LSAMP: variants seen among roughly 807,000 people sequenced by gnomAD.
LSAMP encodes limbic system associated membrane protein.
LSAMP carries 7 observed loss-of-function variants against 38.6 expected under a neutral mutation model. The observed-to-expected ratio is 0.18, with a 90% CI of 0.10 to 0.34. LSAMP has a LOEUF of 0.34. Ranked by LOEUF, LSAMP falls within the 10% of genes least tolerant of loss-of-function variation. The probability of loss-of-function intolerance (pLI) is 1.00; values close to 1 mark genes in which losing one functional copy is unlikely to be tolerated. For missense variants in LSAMP, 313 were observed against 420.0 expected, an observed-to-expected ratio of 0.75 and a Z score of 2.23; for synonymous variants, 154 against 166.8, an observed-to-expected ratio of 0.92 and a Z score of 0.59.
chr3:116,172,089 C>T (rs1227541441), intron 1 of LSAMP, among the ~76,000 whole-genome samples: 1 of 151,702 alleles, frequency 6.6e-6, no homozygotes, highest in African/African-American at 2.4e-5. Flanking sequence ...GACCTTCTTC[C>T]AAAAGGTTAA....
At chr3:116,377,175 C>T (rs1008963725) in intron 1 of LSAMP, among the ~76,000 whole-genome samples, 1 of 151,862 alleles carries the variant, frequency 6.6e-6, no homozygotes, top group Non-Finnish European at 1.5e-5. Flanking sequence ...CAACCCATTA[C>T]CTAGGTATCA....
intron 1 of LSAMP, among the ~76,000 whole-genome samples, chr3:116,309,522 T>C (rs1321321879): frequency 6.6e-6 from 1 of 152,148 alleles, no homozygotes; most frequent in Non-Finnish European, 1.5e-5. Flanking sequence ...ACTTACTATA[T>C]GAGGAAGTGA....
intron 3 of LSAMP, among the ~76,000 whole-genome samples, chr3:115,937,394 A>G (rs1937739907): frequency 6.6e-6 from 1 of 152,086 alleles, no homozygotes; most frequent in Non-Finnish European, 1.5e-5. Flanking sequence ...TAATCTCAGC[A>G]TGTTGGGATG....
chr3:116,437,539 T>C (rs1559868051), intron 1 of LSAMP, among the ~76,000 whole-genome samples: 1 of 151,898 alleles, frequency 6.6e-6, no homozygotes, highest in Non-Finnish European at 1.5e-5. Flanking sequence ...ACTAACTGGA[T>C]GATCCTCCAC....
intron 1 of LSAMP, among the ~76,000 whole-genome samples, chr3:116,174,540 C>G (rs1710288858): frequency 1.3e-5 from 2 of 151,990 alleles, no homozygotes; most frequent in South Asian, 2.1e-4. Flanking sequence ...GATAACTTCG[C>G]TAAAAAGCAC....
chr3:116,046,502 C>T (rs1466359873), intron 2 of LSAMP, among the ~76,000 whole-genome samples: 1 of 152,224 alleles, frequency 6.6e-6, no homozygotes, highest in African/African-American at 2.4e-5. Context: ...TTCCCTCAGA[C>T]ATCTGTTAGC....
intron 1 of LSAMP, among the ~76,000 whole-genome samples, chr3:116,197,220 C>A (rs922711198): frequency 3.3e-5 from 5 of 151,476 alleles, no homozygotes; most frequent in African/African-American, 7.3e-5. Flanking sequence ...CCTGTTGTAA[C>A]CTTTCTCTGT....
intron 1 of LSAMP, among the ~76,000 whole-genome samples, chr3:116,157,898 AT>A (rs1709791581): frequency 6.6e-6 from 1 of 152,122 alleles, no homozygotes; most frequent in South Asian, 2.1e-4. Context: ...CAGAGACACA[AT>A]AAAAAAAGAA....
At chr3:116,396,594 C>T (rs2048770879) in intron 1 of LSAMP, among the ~76,000 whole-genome samples, 1 of 152,174 alleles carries the variant, frequency 6.6e-6, no homozygotes, top group South Asian at 2.1e-4. Flanking sequence ...CTATACATCT[C>T]TAGAAAGCAG....
intron 2 of LSAMP, among the ~76,000 whole-genome samples, chr3:116,077,776 C>A (rs765269502): frequency 1.9e-4 from 29 of 152,220 alleles, no homozygotes; most frequent in Non-Finnish European, 4.0e-4. Flanking sequence ...TCATTTCTCT[C>A]TTATCTCCTT....
chr3:116,329,270 A>T (rs2047817726), intron 1 of LSAMP, among the ~76,000 whole-genome samples: 1 of 152,176 alleles, frequency 6.6e-6, no homozygotes. Context: ...TAGACAAACT[A>T]AAGCAGAGAG....
intron 2 of LSAMP, among the ~76,000 whole-genome samples, chr3:116,040,709 G>T (rs1350956764): frequency 6.6e-6 from 1 of 152,138 alleles, no homozygotes; most frequent in Non-Finnish European, 1.5e-5. Context: ...AACCTGAAGT[G>T]GCTAGAGTAA....
chr3:116,355,954 G>C (rs2048216652), intron 1 of LSAMP, among the ~76,000 whole-genome samples: 1 of 152,140 alleles, frequency 6.6e-6, no homozygotes, highest in African/African-American at 2.4e-5. Flanking sequence ...ATGGAGAAAG[G>C]GGAGCCATGA....
chr3:116,006,298 G>C (rs535951232), intron 3 of LSAMP, among the ~76,000 whole-genome samples: 1 of 152,196 alleles, frequency 6.6e-6, no homozygotes, highest in Admixed American at 6.5e-5. Context: ...GAGGATCTAG[G>C]AAAGTGGTGG....
rs3071054 is a variant in LSAMP at position 116,113,422 on chromosome 3, T to A, written c.156-26866A>T. Among the ~76,000 whole-genome samples the A allele has an allele frequency of 2.6e-3, 117 of 44,196 alleles. 1 individual carries two copies. The highest frequency in any genetic ancestry group is 6.5e-3 in the South Asian group (6 of 930). 29.0% of individuals were successfully genotyped at this position (44,196 alleles called of 152,430 possible). On this transcript the variant is annotated intron_variant, in intron 1 of 6. Coordinates refer to ENST00000490035, the MANE Select transcript of LSAMP (RefSeq NM_002338.5). Reference sequence around the variant, plus strand: ...GCCCTATATATATATATATATATATTTTTTTTTTTTTTTTTTTTTTTGAGA... The same window carrying A: ...GCCCTATATATATATATATATATATATTTTTTTTTTTTTTTTTTTTTGAGA...
In LSAMP at chr3:116,155,033, T is replaced by C. The variant is rs539935050; in HGVS notation, c.156-68477A>G. On this transcript the variant is annotated intron_variant, in intron 1 of 6. Transcript: ENST00000490035. ...GAATGTTTTGGTTTTTTTTGTTTTT[T>C]GTTTTTTGTCTTTTATTTTTTTTAT... 5.3e-5 allele frequency among the ~76,000 whole-genome samples: 8 copies of C among 152,238 alleles called. No individual in the cohort carries two copies. In the South Asian group the frequency reaches 1.7e-3, roughly 32 times the overall value.
In LSAMP at chr3:115,841,527, T is replaced by G. The variant is rs559713703; in HGVS notation, c.919+318A>C. Reference sequence around the variant, plus strand: ...AGGCTTTTACATCACCTCTGCTTCTTAAAGGACCACTGCCAAAGAGACTTG... The same window carrying G: ...AGGCTTTTACATCACCTCTGCTTCTGAAAGGACCACTGCCAAAGAGACTTG... On this transcript the variant is annotated intron_variant, in intron 6 of 6. Transcript: ENST00000490035. The G allele has an allele frequency of 6.9e-4, 140 of 202,620 alleles. 1 individual carries two copies. The highest frequency in any genetic ancestry group is 6.6e-4 in the Non-Finnish European group (67 of 100,910). 12.6% of individuals were successfully genotyped at this position (202,620 alleles called of 1,614,324 possible).
At chr3:115,880,610 G>C (rs1255255274) in intron 3 of LSAMP, among the ~76,000 whole-genome samples, 1 of 152,082 alleles carries the variant, frequency 6.6e-6, no homozygotes, top group Admixed American at 6.6e-5. Flanking sequence ...GAAAACATAA[G>C]GTCAGGATTA....
chr3:116,102,221 A>AG (rs1292768261), intron 1 of LSAMP, among the ~76,000 whole-genome samples: 7 of 152,336 alleles, frequency 4.6e-5, no homozygotes, highest in Middle Eastern at 3.4e-3. Flanking sequence ...TTCAGTCAAC[A>AG]GGAGGCACTG....
Sources: allele counts gnomAD v4.1 joint callset (sites outside exome capture counted in the v4.1 genomes callset), GRCh38; gene constraint gnomAD v4.1.1; transcripts MANE v1.5; gene names NCBI Gene and HGNC (gene_info 2026-07-23, HGNC 2026-07-21).